TGFBRAP1: variants seen among roughly 807,000 people sequenced by gnomAD.
The protein encoded by TGFBRAP1 is transforming growth factor beta receptor associated protein 1.
Under a neutral mutation model 83.2 loss-of-function variants are expected in TGFBRAP1, and 20 were observed. The observed-to-expected ratio is 0.24, with a 90% CI of 0.17 to 0.35. The LOEUF (loss-of-function observed/expected upper bound fraction) is 0.35, where lower values mean the gene tolerates loss of function less well. Among genes scored for constraint, TGFBRAP1 ranks in the 10% least tolerant of loss-of-function variants. The pLI is 1.00. For synonymous variants in TGFBRAP1, 415 were observed against 459.8 expected, an observed-to-expected ratio of 0.90 and a Z score of 1.25; for missense variants, 950 against 1,099.4, an observed-to-expected ratio of 0.86 and a Z score of 1.92.
chr2:105,267,010 T>C lies in TGFBRAP1; in HGVS notation c.*373A>G, dbSNP rs1676960489. 1 of 186,828 alleles carries C rather than the reference T, an allele frequency of 5.4e-6. No individual in the cohort carries two copies. The highest frequency in any genetic ancestry group is 5.5e-5 in the Admixed American group (1 of 18,188). The allele number at this position is 186,828 out of a possible 1,614,324, so 11.6% of individuals were successfully genotyped here. On this transcript the variant is annotated 3_prime_UTR_variant, in exon 12 of 12. Coordinates refer to ENST00000393359, the MANE Select transcript of TGFBRAP1 (RefSeq NM_004257.6). ...TCCAGTGCAAACATGAGTCTAAAGG[T>C]TGGAGTGTGGGGGTGGTGGGGGATC...
intron 1 of TGFBRAP1, among the ~76,000 whole-genome samples, chr2:105,316,303 TTC>T (rs1678851888): frequency 6.6e-6 from 1 of 151,858 alleles, no homozygotes; most frequent in South Asian, 2.1e-4. Context: ...TGCCTTTATG[TTC>T]TGTGTATTTT....
Position 105,319,027 on chromosome 2 carries a change from C to A in TGFBRAP1, c.-18+10598G>T, listed in dbSNP as rs114396971. Among the ~76,000 whole-genome samples the A allele has an allele frequency of 6.3e-3, 952 of 152,222 alleles. 8 individuals carry two copies. The highest frequency in any genetic ancestry group is 0.022 in the African/African-American group (905 of 41,548). On this transcript the variant is annotated intron_variant, in intron 1 of 11. Transcript: ENST00000393359. ...AGGACAGGCCTCATTAAAAAAAAGT[C>A]ACAGCAGGAAGAATAAACGTGGAAT... is the stretch of plus-strand genomic sequence containing the variant.
intron 1 of TGFBRAP1, among the ~76,000 whole-genome samples, chr2:105,324,815 C>A (rs756418499): frequency 3.3e-5 from 5 of 152,128 alleles, no homozygotes; most frequent in Non-Finnish European, 5.9e-5. Context: ...GGAAGGAGCA[C>A]AGCCCCTCAG....
rs1677644578 is a variant in TGFBRAP1, at chr2:105,284,391, T to C, written c.1046A>G (p.Tyr349Cys). 5.0e-6 allele frequency: 8 copies of C among 1,613,846 alleles called. No homozygotes were observed. Among genetic ancestry groups the C allele is most frequent in the Non-Finnish European group, 6.8e-6 (8 of 1,179,908 alleles). The stretch of plus-strand genomic sequence containing the variant: ...TCCCGCCTGCTGCAGAATCCTTCTG[T>C]ACATTACCTGCAAGGAAAGACGGGT... ...NIPKEKFQVM[Y>C]RRILQQAGFI... is the part of the protein sequence containing the mutation. Residue 349 changes from tyrosine (Y) to cysteine (C), a missense_variant, in exon 5 of 12, where the codon TAC becomes TGC. Physicochemically the swap from Tyr to Cys is radical, Grantham distance 194. Transcript: ENST00000393359.
At chr2:105,275,938 ATCTT>A (rs900401351) in intron 7 of TGFBRAP1, among the ~76,000 whole-genome samples, 8 of 152,180 alleles carry the variant, frequency 5.3e-5, no homozygotes, top group Non-Finnish European at 8.8e-5. Context: ...AGGTTCTTTT[ATCTT>A]TCTTTCTTTT....
chr2:105,317,943 C>T (rs2104412930), intron 1 of TGFBRAP1, among the ~76,000 whole-genome samples: 1 of 152,244 alleles, frequency 6.6e-6, no homozygotes, highest in African/African-American at 2.4e-5. Context: ...CATTTTCTAC[C>T]CATTAAATTG....
Position 105,329,610 on chromosome 2 carries a change from G to T in TGFBRAP1, c.-18+15C>A, listed in dbSNP as rs1390318264. 1 of 142,166 alleles carries T rather than the reference G, an allele frequency of 7.0e-6. No homozygotes were observed. The highest frequency in any genetic ancestry group is 2.2e-4 in the East Asian group (1 of 4,610). The allele number at this position is 142,166 out of a possible 1,614,324, so 8.8% of individuals were successfully genotyped here. A position where few individuals can be genotyped will look rare whatever the true frequency, so the allele number is the denominator to read the frequency against. On this transcript the variant is annotated intron_variant, in intron 1 of 11. Coordinates refer to ENST00000393359, the MANE Select transcript of TGFBRAP1 (RefSeq NM_004257.6). ...TGAGCCCCGCACCCCGCGCCCCGCC[G>T]CCCTCCTCACTCACCGGCGCCGGCG... is the stretch of plus-strand genomic sequence containing the variant.
Position 105,307,993 on chromosome 2 carries a change from G to A in TGFBRAP1, c.309C>T (p.Asn103=), listed in dbSNP as rs1439741196. 3 of 1,614,134 alleles carry A rather than the reference G, an allele frequency of 1.9e-6. No homozygotes were observed. In the African/African-American group the frequency reaches 4.0e-5, roughly 22 times the overall value. Residue 103 remains asparagine, a synonymous_variant, in exon 2 of 12, where the codon AAC becomes AAT. Coordinates refer to ENST00000393359, the MANE Select transcript of TGFBRAP1 (RefSeq NM_004257.6). ...AAGGCACTGGCTCGAGGTTCAGCAT[G>A]TTGACCAGGCTGATGGAGTTGTCAC... The part of the protein sequence containing the change: ...VLCDNSISLV[N]MLNLEPVPSG...
At chr2:105,295,988 G>T (rs192434066) in intron 4 of TGFBRAP1, among the ~76,000 whole-genome samples, 1 of 151,994 alleles carries the variant, frequency 6.6e-6, no homozygotes, top group East Asian at 1.9e-4. Flanking sequence ...TAAATTCAGA[G>T]ACAAATTAAC....
intron 2 of TGFBRAP1, among the ~76,000 whole-genome samples, chr2:105,306,138 C>T (rs1244498539): frequency 6.6e-6 from 1 of 151,218 alleles, no homozygotes; most frequent in Non-Finnish European, 1.5e-5. Context: ...TCTCAGCTCA[C>T]CGCAACTGCT....
intron 4 of TGFBRAP1, among the ~76,000 whole-genome samples, chr2:105,293,697 G>C (rs1677989286): frequency 6.6e-6 from 1 of 151,356 alleles, no homozygotes. Flanking sequence ...CCTTTTTTTT[G>C]CATCAATATT....
At chr2:105,326,912 T>C (rs1679239789) in intron 1 of TGFBRAP1, among the ~76,000 whole-genome samples, 1 of 152,302 alleles carries the variant, frequency 6.6e-6, no homozygotes, top group South Asian at 2.1e-4. Flanking sequence ...CATGAGGCAC[T>C]TAAAGTCATT....
At chr2:105,250,864 C>G in the TGFBRAP1 span, among the ~76,000 whole-genome samples, 1 of 152,234 alleles carries the variant, frequency 6.6e-6, no homozygotes, top group Non-Finnish European at 1.5e-5. Flanking sequence ...CCGTGTTGGC[C>G]GGGCTGGTCT....
chr2:105,265,474 T>C lies in TGFBRAP1; in HGVS notation c.*1909A>G, dbSNP rs1279042086. The C allele has an allele frequency of 1.3e-5, 2 of 152,600 alleles. No homozygotes were observed. Among genetic ancestry groups the C allele is most frequent in the African/African-American group, 4.8e-5 (2 of 41,444 alleles). The allele number at this position is 152,600 out of a possible 1,614,324, so 9.5% of individuals were successfully genotyped here. A position where few individuals can be genotyped will look rare whatever the true frequency, so the allele number is the denominator to read the frequency against. ...ACAGAGTGAGACTCTGTCTGTGTGT[T>C]AGGAATGAGAAATTACTAAGTTTTT... On this transcript the variant is annotated 3_prime_UTR_variant, in exon 12 of 12. Transcript: ENST00000393359.
At chr2:105,294,444 G>A (rs72823858) in intron 4 of TGFBRAP1, among the ~76,000 whole-genome samples, 3,256 of 152,038 alleles carry the variant, frequency 0.021, 130 homozygotes, top group African/African-American at 0.074. Flanking sequence ...CAAAGGACTC[G>A]GTCCGTAATG....
the TGFBRAP1 span, among the ~76,000 whole-genome samples, chr2:105,250,355 C>T: frequency 6.6e-6 from 1 of 152,182 alleles, no homozygotes; most frequent in Non-Finnish European, 1.5e-5. Context: ...TATGTTCCAT[C>T]TCCGTTCTCT....
intron 1 of TGFBRAP1, chr2:105,327,356 G>C (rs770469849): frequency 2.6e-5 from 4 of 152,172 alleles, no homozygotes; most frequent in Non-Finnish European, 5.9e-5. Context: ...TTGAGGCCAG[G>C]AGTTTGAGAA....
intron 1 of TGFBRAP1, among the ~76,000 whole-genome samples, chr2:105,315,413 T>C (rs1354512127): frequency 6.6e-6 from 1 of 152,196 alleles, no homozygotes; most frequent in Non-Finnish European, 1.5e-5. Flanking sequence ...AATTAAGACA[T>C]GAGGATAGAC....
At chr2:105,273,431 C>A in intron 9 of TGFBRAP1, 113 bp downstream of exon 9, 4 of 1,427,600 alleles carry the variant, frequency 2.8e-6, no homozygotes, top group South Asian at 1.4e-5. Context: ...TCAACAAGTA[C>A]GGATGGATCA....
Sources: gnomAD v4.1 joint callset for allele counts (sites outside exome capture counted in the v4.1 genomes callset) on GRCh38, gnomAD v4.1.1 for gene constraint, MANE v1.5 for transcripts, NCBI Gene and HGNC (gene_info 2026-07-23, HGNC 2026-07-21) for gene names.